COL4A2: variants seen among roughly 807,000 people sequenced by gnomAD.
COL4A2 encodes the protein collagen type IV alpha 2 chain.
COL4A2 carries 99 observed loss-of-function variants against 200.2 expected under a neutral mutation model. The observed-to-expected ratio is 0.49, with a 90% confidence interval of 0.42 to 0.58. The LOEUF is 0.58. COL4A2 is among the 20% of genes least tolerant of loss of function. The pLI is 0.00. For missense variants in COL4A2, 1,950 were observed against 2,314.1 expected (o/e 0.84, Z 3.23); for synonymous variants, 897 against 900.6 (o/e 1.00, Z 0.07).
rs969435078 is a variant in COL4A2, at chr13:110,485,793, G to GC, written c.3170dup (p.Gly1058TrpfsTer14). On this transcript the variant is annotated frameshift_variant, in exon 34 of 48. Transcript: ENST00000360467. LOFTEE classifies it high-confidence loss of function. ...TTGCCAGGATTCCCTGGGGTGGCTG[G>GC]CCCCCCTGGAATTACGGGATTCCCA... The GC allele has an allele frequency of 6.2e-7, 1 of 1,613,750 alleles. No homozygotes were observed. Among genetic ancestry groups the GC allele is most frequent in the Non-Finnish European group, 8.5e-7 (1 of 1,179,894 alleles).
rs11335478 is a variant in COL4A2, at chr13:110,338,434, T to TGG, written c.100-19030_100-19029dup. On this transcript the variant is annotated intron_variant, in intron 3 of 47. Transcript: ENST00000360467. ...GAAAAGACACAGAAAATGTTGTGTG[T>TGG]GGGGGGGGGTGGGGGTAAAATGCTC... 6.0e-3 allele frequency among the ~76,000 whole-genome samples: 763 copies of TGG among 127,246 alleles called. 7 individuals carry two copies. The highest frequency in any genetic ancestry group is 9.4e-3 in the Non-Finnish European group (581 of 62,026). 83.5% of individuals were successfully genotyped at this position (127,246 alleles called of 152,430 possible).
At chr13:110,459,076 A>G (rs1417487176) in intron 22 of COL4A2, 142 bp downstream of exon 22, 1 of 803,134 alleles carries the variant, frequency 1.2e-6, no homozygotes, top group Non-Finnish European at 1.8e-6. Flanking sequence ...ACCATTCTAA[A>G]AACCCACATA....
intron 3 of COL4A2, among the ~76,000 whole-genome samples, chr13:110,332,608 A>G (rs9588142): frequency 9.0e-4 from 137 of 152,318 alleles, no homozygotes; most frequent in African/African-American, 3.2e-3. Context: ...TAAAAAGACA[A>G]GCACAGGCAG....
chr13:110,432,222 G>T lies in COL4A2; in HGVS notation c.649-103G>T, dbSNP rs186886248. On this transcript the variant is annotated intron_variant, in intron 10 of 47. Coordinates refer to ENST00000360467, the MANE Select transcript of COL4A2 (RefSeq NM_001846.4). ...GAAACCTCCATGCATCCTACACTGTGTCCTAAATATACAGTCAATGGCTTT... is the reference window on the plus strand; with the variant it reads ...GAAACCTCCATGCATCCTACACTGTTTCCTAAATATACAGTCAATGGCTTT... The T allele has an allele frequency of 5.0e-6, 7 of 1,396,672 alleles. No individual in the cohort carries two copies. In the East Asian group the frequency reaches 1.8e-4, roughly 36 times the overall value. The allele number at this position is 1,396,672 out of a possible 1,614,324, so 86.5% of individuals were successfully genotyped here.
At chr13:110,483,308 G>T (rs1594101142) in intron 32 of COL4A2, among the ~76,000 whole-genome samples, 1 of 152,346 alleles carries the variant, frequency 6.6e-6, no homozygotes, top group East Asian at 1.9e-4. Context: ...CAGGCTGCCA[G>T]CAGGAGTGTA....
chr13:110,391,433 G>C (rs899742179), intron 4 of COL4A2, among the ~76,000 whole-genome samples: 14 of 152,342 alleles, frequency 9.2e-5, no homozygotes, highest in South Asian at 2.1e-4. Flanking sequence ...TTGCTTCCCT[G>C]CTGTTGCCAG....
At chr13:110,502,273 G>A (rs1296769874) in intron 41 of COL4A2, among the ~76,000 whole-genome samples, 1 of 152,192 alleles carries the variant, frequency 6.6e-6, no homozygotes, top group African/African-American at 2.4e-5. Context: ...GAAGCAAAAT[G>A]CAGTCAGTAT....
In COL4A2 at chr13:110,504,306, C is replaced by G. The variant is rs761869549; in HGVS notation, c.4402+42C>G. ...AAGGACCTTCCCAGGTCCTAGTGCT[C>G]TGGATCTGACTCACAGACTGTGGTC... On this transcript the variant is annotated intron_variant, in intron 45 of 47. Coordinates refer to ENST00000360467, the MANE Select transcript of COL4A2 (RefSeq NM_001846.4). 3 of 1,497,656 alleles carry G rather than the reference C, an allele frequency of 2.0e-6. No homozygotes were observed. The African/African-American group carries it at 4.1e-5, about 21-fold the overall frequency. The allele number at this position is 1,497,656 out of a possible 1,614,324, so 92.8% of individuals were successfully genotyped here.
chr13:110,386,947 G>A (rs1878773282), intron 4 of COL4A2, among the ~76,000 whole-genome samples: 1 of 152,142 alleles, frequency 6.6e-6, no homozygotes, highest in Non-Finnish European at 1.5e-5. Context: ...TCACTTAAAT[G>A]GAGCGACTGA....
At chr13:110,335,551 C>T (rs893696950) in intron 3 of COL4A2, among the ~76,000 whole-genome samples, 3 of 152,138 alleles carry the variant, frequency 2.0e-5, no homozygotes, top group East Asian at 3.9e-4. Flanking sequence ...CCTTTAAACC[C>T]CTTTTTCTTT....
intron 20 of COL4A2, among the ~76,000 whole-genome samples, chr13:110,452,921 A>G (rs1881596913): frequency 6.6e-6 from 1 of 151,778 alleles, no homozygotes; most frequent in South Asian, 2.1e-4. Flanking sequence ...CACCACCACC[A>G]TGCCTGGCTA....
In COL4A2 at chr13:110,307,762, G is replaced by C; in HGVS notation, c.-44-98G>C. On this transcript the variant is annotated intron_variant, in intron 1 of 47. Transcript: ENST00000360467. This position sits in a 1 kb window ranked among gnomAD's most constrained non-coding sequence, Gnocchi z 5.0. ...CCGGTCACCCCTGCATGCGGGCCGC[G>C]CACCGCGCTGTCCCCGCGTCTCGCG... 1 of 1,176,712 alleles carries C rather than the reference G, an allele frequency of 8.5e-7. No homozygotes were observed. The highest frequency in any genetic ancestry group is 1.2e-6 in the Non-Finnish European group (1 of 850,776). The allele number at this position is 1,176,712 out of a possible 1,614,324, so 72.9% of individuals were successfully genotyped here.
intron 4 of COL4A2, among the ~76,000 whole-genome samples, chr13:110,371,850 C>A (rs1456914799): frequency 6.6e-6 from 1 of 152,126 alleles, no homozygotes. Flanking sequence ...ATTGTCTTTC[C>A]GTCTCCCCCA....
At chr13:110,479,757 G>A (rs1882831264) in intron 30 of COL4A2, among the ~76,000 whole-genome samples, 1 of 152,232 alleles carries the variant, frequency 6.6e-6, no homozygotes, top group African/African-American at 2.4e-5. Context: ...GACAGTAGCA[G>A]TGATGAGATG....
chr13:110,377,074 G>A (rs1214327497), intron 4 of COL4A2, among the ~76,000 whole-genome samples: 1 of 149,700 alleles, frequency 6.7e-6, no homozygotes, highest in Non-Finnish European at 1.5e-5. Flanking sequence ...ACTATGTTCA[G>A]TTATTGATTA....
At chr13:110,316,965 AAGAG>A (rs1010632803) in intron 3 of COL4A2, among the ~76,000 whole-genome samples, 4 of 152,106 alleles carry the variant, frequency 2.6e-5, no homozygotes, top group Non-Finnish European at 2.9e-5. Flanking sequence ...ATAGAGATAA[AAGAG>A]AGAGAGAACA....
At chr13:110,429,606 G>A (rs1288188882) in intron 7 of COL4A2, among the ~76,000 whole-genome samples, 1 of 152,170 alleles carries the variant, frequency 6.6e-6, no homozygotes, top group Non-Finnish European at 1.5e-5. Context: ...TAGAGGGTTG[G>A]TTGACAGAGC....
chr13:110,459,148 C>G (rs1247054252), intron 22 of COL4A2: 1 of 464,804 alleles, frequency 2.2e-6, no homozygotes, highest in Non-Finnish European at 3.7e-6. Flanking sequence ...GCTGTGGGAA[C>G]CGCAGCCGAC....
At position 110,485,034 on chromosome 13, in the gene COL4A2, C is replaced by G. The variant is rs1311077714; in HGVS notation, c.3025+7C>G. The G allele has an allele frequency of 6.3e-7, 1 of 1,581,342 alleles. No homozygotes were observed. The highest frequency in any genetic ancestry group is 8.6e-7 in the Non-Finnish European group (1 of 1,158,540). ...GGATACCTGGGCGCAAAAGGTGAGG[C>G]TTCTGACCTGCAGCCAGGGGCCCCT... On this transcript the variant is annotated splice_region_variant and intron_variant, in intron 33 of 47. Coordinates refer to ENST00000360467, the MANE Select transcript of COL4A2 (RefSeq NM_001846.4).
Sources: gnomAD v4.1 joint callset for allele counts (sites outside exome capture counted in the v4.1 genomes callset) on GRCh38, gnomAD v4.1.1 for gene constraint, Gnocchi (gnomAD v3.1) non-coding constraint, MANE v1.5 for transcripts, NCBI Gene and HGNC (gene_info 2026-07-23, HGNC 2026-07-21) for gene names.